The following MTA3 variants were observed in gnomAD, a reference collection of about 807,000 sequenced individuals.
The protein encoded by MTA3 is metastasis associated 1 family member 3, also known as metastasis-associated protein MTA3.
A neutral mutation model predicts 83.5 loss-of-function variants in MTA3; 34 were observed. The ratio of observed to expected loss-of-function variants is 0.41; its 90% CI spans 0.31 to 0.54. The LOEUF (loss-of-function observed/expected upper bound fraction) is 0.54. Ranked by LOEUF, MTA3 falls within the 20% of genes least tolerant of loss-of-function variation. MTA3 has a pLI of 0.33. For synonymous variants in MTA3, 303 were observed against 252.7 expected, an observed-to-expected ratio of 1.20 and a Z score of -1.89; for missense variants, 761 against 726.4, an observed-to-expected ratio of 1.05 and a Z score of -0.55.
chr2:42,684,108 C>T (rs772187450), intron 9 of MTA3, among the ~76,000 whole-genome samples: 1 of 152,172 alleles, frequency 6.6e-6, no homozygotes, highest in Admixed American at 6.5e-5. Context: ...GTCATCTTGT[C>T]TAACTATAGT....
chr2:42,648,477 T>G (rs1688418162), intron 6 of MTA3, among the ~76,000 whole-genome samples: 1 of 152,244 alleles, frequency 6.6e-6, no homozygotes, highest in African/African-American at 2.4e-5. Flanking sequence ...TCTGCCAGGA[T>G]ATGTTACAGG....
Position 42,753,720 on chromosome 2 carries a change from A to G in MTA3, c.*321A>G. 1 of 1,175,962 alleles carries G rather than the reference A, an allele frequency of 8.5e-7. No individual in the cohort carries two copies. The highest frequency in any genetic ancestry group is 1.1e-6 in the Non-Finnish European group (1 of 944,148). 72.8% of individuals were successfully genotyped at this position (1,175,962 alleles called of 1,614,324 possible). ...GCAGCGCCCTGCGCCCCACCCAGCA[A>G]CAGCGGCCACTTGGCAGTGGGGCTG... On this transcript the variant is annotated 3_prime_UTR_variant, in exon 17 of 17. Transcript: ENST00000405094.
At chr2:42,560,801 G>A (rs1218582524) in intron 2 of MTA3, among the ~76,000 whole-genome samples, 1 of 152,080 alleles carries the variant, frequency 6.6e-6, no homozygotes, top group African/African-American at 2.4e-5. Flanking sequence ...CAGCTACTCA[G>A]GAGGCTGAGG....
chr2:42,614,124 T>G (rs1002216047), intron 4 of MTA3: 1 of 152,134 alleles, frequency 6.6e-6, no homozygotes, highest in Non-Finnish European at 1.5e-5. Flanking sequence ...TGAGACGGAG[T>G]TTTGCTCTTG....
chr2:42,682,239 G>T (rs988727901), intron 8 of MTA3, among the ~76,000 whole-genome samples, 162 bp from the exon 9 acceptor site: 5 of 151,998 alleles, frequency 3.3e-5, no homozygotes, highest in Non-Finnish European at 7.4e-5. Context: ...AGCAATAAAT[G>T]ATATCTTAAA....
At chr2:42,715,150 G>A (rs1666934736) in intron 14 of MTA3, among the ~76,000 whole-genome samples, 1 of 152,166 alleles carries the variant, frequency 6.6e-6, no homozygotes, top group Non-Finnish European at 1.5e-5. Flanking sequence ...GTGGAGTTAG[G>A]TGAGTAATTT....
At chr2:42,639,643 C>T (rs928815153) in intron 4 of MTA3, among the ~76,000 whole-genome samples, 8 of 152,098 alleles carry the variant, frequency 5.3e-5, no homozygotes, top group Non-Finnish European at 8.8e-5. Flanking sequence ...TAAATTTTAA[C>T]TAGTTTTTAG....
intron 3 of MTA3, among the ~76,000 whole-genome samples, chr2:42,596,050 C>A (rs1056901562): frequency 1.3e-5 from 2 of 152,170 alleles, no homozygotes; most frequent in African/African-American, 4.8e-5. Context: ...GTCATCCTGG[C>A]ATTTGAAAAA....
intron 2 of MTA3, among the ~76,000 whole-genome samples, chr2:42,574,940 A>G (rs1244640823): frequency 6.6e-6 from 1 of 152,252 alleles, no homozygotes; most frequent in Admixed American, 6.5e-5. Flanking sequence ...AACTGTTGGC[A>G]TGTGATTCTG....
chr2:42,638,347 T>A (rs1360326936), intron 4 of MTA3, among the ~76,000 whole-genome samples: 1 of 152,058 alleles, frequency 6.6e-6, no homozygotes, highest in Non-Finnish European at 1.5e-5. Flanking sequence ...TTTCCCTAGT[T>A]GCAATTCTGT....
intron 2 of MTA3, among the ~76,000 whole-genome samples, chr2:42,573,581 G>A (rs572059988): frequency 6.6e-5 from 10 of 152,120 alleles, no homozygotes; most frequent in South Asian, 6.2e-4. Flanking sequence ...CATGATCTCC[G>A]GTCACTGCAA....
At chr2:42,725,932 T>G (rs1667778883) in intron 16 of MTA3, among the ~76,000 whole-genome samples, 1 of 152,244 alleles carries the variant, frequency 6.6e-6, no homozygotes, top group East Asian at 1.9e-4. Flanking sequence ...GCCCACATTC[T>G]TGTGTTACGA....
At chr2:42,646,399 T>A (rs189688808) in intron 6 of MTA3, among the ~76,000 whole-genome samples, 43 of 152,344 alleles carry the variant, frequency 2.8e-4, no homozygotes, top group African/African-American at 1.0e-3. Flanking sequence ...TAGATAATGA[T>A]TCCTCTGATG....
intron 2 of MTA3, among the ~76,000 whole-genome samples, chr2:42,516,736 A>T (rs1009553070): frequency 8.5e-5 from 13 of 152,212 alleles, no homozygotes; most frequent in African/African-American, 3.1e-4. Context: ...ATATTAAAGT[A>T]TGCAAAGAAA....
intron 6 of MTA3, among the ~76,000 whole-genome samples, chr2:42,654,169 G>A (rs542599078): frequency 1.3e-5 from 2 of 152,286 alleles, no homozygotes; most frequent in Non-Finnish European, 2.9e-5. Flanking sequence ...TTGGCAGTTG[G>A]CTCTCTGGTT....
intron 2 of MTA3, among the ~76,000 whole-genome samples, chr2:42,540,142 C>A (rs893290900): frequency 6.6e-6 from 1 of 150,552 alleles, no homozygotes; most frequent in Admixed American, 6.6e-5. Flanking sequence ...GGGCCCATTA[C>A]AGCCAATAGT....
In MTA3 at chr2:42,718,005, C is replaced by T. The variant is rs116841243; in HGVS notation, c.1526-983C>T. Among the ~76,000 whole-genome samples the T allele has an allele frequency of 4.6e-4, 70 of 151,334 alleles. No individual in the cohort carries two copies. The East Asian group carries it at 9.1e-3, about 20-fold the overall frequency. On this transcript the variant is annotated intron_variant, in intron 14 of 16. Coordinates refer to ENST00000405094, the MANE Select transcript of MTA3 (RefSeq NM_001330442.2). ...GAAGCATATTTCTGAGATGGGCACACGCAATAAAAAAGCATGAGTGTGTTG... is the reference window on the plus strand; with the variant it reads ...GAAGCATATTTCTGAGATGGGCACATGCAATAAAAAAGCATGAGTGTGTTG...
At chr2:42,595,657 T>G (rs1242916351) in intron 3 of MTA3, among the ~76,000 whole-genome samples, 1 of 152,190 alleles carries the variant, frequency 6.6e-6, no homozygotes, top group African/African-American at 2.4e-5. Context: ...TTAGCTTTTC[T>G]TCTTTCCTTG....
intron 16 of MTA3, among the ~76,000 whole-genome samples, chr2:42,738,955 C>CA (rs1573815514): frequency 6.6e-6 from 1 of 152,296 alleles, no homozygotes; most frequent in South Asian, 2.1e-4. Flanking sequence ...AAGATGTTAT[C>CA]AATGACAATG....
Sources: gnomAD v4.1 joint callset for allele counts (sites outside exome capture counted in the v4.1 genomes callset) on GRCh38, gnomAD v4.1.1 for gene constraint, MANE v1.5 for transcripts, NCBI Gene and HGNC (gene_info 2026-07-23, HGNC 2026-07-21) for gene names.